The following DENND2A variants were observed in gnomAD, a reference collection of about 807,000 sequenced individuals.
DENND2A encodes DENN domain-containing protein 2A.
DENND2A carries 53 observed loss-of-function variants against 105.3 expected under a neutral mutation model. The ratio of observed to expected loss-of-function variants is 0.50; its 90% CI spans 0.40 to 0.63. The LOEUF (loss-of-function observed/expected upper bound fraction) is 0.63, where lower values mean the gene tolerates loss of function less well. DENND2A is among the 30% of genes least tolerant of loss of function. The pLI is 0.00. For missense variants in DENND2A, 1,138 were observed against 1,279.6 expected (o/e 0.89, Z 1.69); for synonymous variants, 522 against 508.4 (o/e 1.03, Z -0.36).
chr7:140,599,069 G>C (rs527873567), intron 3 of DENND2A, among the ~76,000 whole-genome samples: 116 of 152,218 alleles, frequency 7.6e-4, no homozygotes, highest in Middle Eastern at 3.4e-3. Flanking sequence ...TGGGTGTGGG[G>C]CTCATGCCTG....
Position 140,624,849 on chromosome 7 carries a change from GTTTT to G in DENND2A, c.-248+15651_-248+15654del, listed in dbSNP as rs1371102840. Among the ~76,000 whole-genome samples, 237 of 131,218 alleles carry G rather than the reference GTTTT, an allele frequency of 1.8e-3. 1 individual carries two copies. The highest frequency in any genetic ancestry group is 7.1e-3 in the African/African-American group (226 of 31,638). The allele number at this position is 131,218 out of a possible 152,430, so 86.1% of individuals were successfully genotyped here. ...CTGTTGAGAGATTTTGTTTTTCTTT[GTTTT>G]TTTTGTTTTTTTTTGTTTTTTTTTT... is the stretch of plus-strand genomic sequence containing the variant. On this transcript the variant is annotated intron_variant, in intron 1 of 19. Coordinates refer to ENST00000496613, the MANE Select transcript of DENND2A (RefSeq NM_015689.5).
chr7:140,568,880 T>C (rs892844771), intron 7 of DENND2A, 67 bp from the exon 8 acceptor site: 8 of 1,496,330 alleles, frequency 5.3e-6, no homozygotes, highest in South Asian at 1.1e-5. Context: ...ACTCTTTCTA[T>C]GTGGTAGCAC....
intron 1 of DENND2A, among the ~76,000 whole-genome samples, chr7:140,627,002 TA>T (rs1293598358): frequency 6.6e-6 from 1 of 152,320 alleles, no homozygotes; most frequent in African/African-American, 2.4e-5. Context: ...CTCGCCTCTG[TA>T]AAATGGTGAT....
chr7:140,533,199 G>T (rs1467231854), intron 14 of DENND2A, among the ~76,000 whole-genome samples: 1 of 152,044 alleles, frequency 6.6e-6, no homozygotes, highest in Non-Finnish European at 1.5e-5. Context: ...CACCATGTTG[G>T]CCAGGATGGT....
At chr7:140,615,063 C>T (rs1800033592) in intron 1 of DENND2A, among the ~76,000 whole-genome samples, 1 of 151,968 alleles carries the variant, frequency 6.6e-6, no homozygotes, top group African/African-American at 2.4e-5. Flanking sequence ...GACAGTGTTT[C>T]ACCATGTTGC....
At chr7:140,551,511 C>T (rs865832715) in intron 12 of DENND2A, among the ~76,000 whole-genome samples, 3 of 152,128 alleles carry the variant, frequency 2.0e-5, no homozygotes, top group Middle Eastern at 3.4e-3. Flanking sequence ...GCATGGGAGA[C>T]ATGTGGACCA....
At chr7:140,546,771 G>C (rs1233655117) in intron 13 of DENND2A, 28 bp downstream of exon 13, 1 of 1,611,654 alleles carries the variant, frequency 6.2e-7, no homozygotes, top group East Asian at 2.2e-5. Context: ...TGCCTCCCCA[G>C]GGAGAAGGAA....
intron 1 of DENND2A, among the ~76,000 whole-genome samples, chr7:140,632,070 T>G (rs1800753589): frequency 6.6e-6 from 1 of 152,150 alleles, no homozygotes; most frequent in African/African-American, 2.4e-5. Flanking sequence ...GAATTGTGAT[T>G]TGCTGTGTGA....
Position 140,527,288 on chromosome 7 carries a change from G to A in DENND2A, c.2505+30C>T, listed in dbSNP as rs1158187479. On this transcript the variant is annotated intron_variant, in intron 15 of 19. Transcript: ENST00000496613. This position sits in a 1 kb window ranked among gnomAD's most constrained non-coding sequence, Gnocchi z 4.9. ...CCGCTCTGTTCTCCGCACCCTGCAG[G>A]GAGGGGGACAGGGCTGAGTGGGAGC... is the stretch of plus-strand genomic sequence containing the variant. 7 of 1,545,322 alleles carry A rather than the reference G, an allele frequency of 4.5e-6. No individual in the cohort carries two copies. In the African/African-American group the frequency reaches 8.2e-5, roughly 18 times the overall value.
At chr7:140,614,567 G>T (rs1563179370) in intron 1 of DENND2A, among the ~76,000 whole-genome samples, 1 of 152,150 alleles carries the variant, frequency 6.6e-6, no homozygotes, top group Non-Finnish European at 1.5e-5. Flanking sequence ...TAGTTTTTGT[G>T]TTGCAAATAA....
In DENND2A at chr7:140,527,297, C is replaced by T. The variant is rs1323958862; in HGVS notation, c.2505+21G>A. 3.2e-6 allele frequency: 5 copies of T among 1,557,816 alleles called. No homozygotes were observed. On this transcript the variant is annotated intron_variant, in intron 15 of 19. Transcript: ENST00000496613. This position sits in a 1 kb window ranked among gnomAD's most constrained non-coding sequence, Gnocchi z 4.9. ...TCTCCGCACCCTGCAGGGAGGGGGA[C>T]AGGGCTGAGTGGGAGCTCACCTCTT...
intron 1 of DENND2A, among the ~76,000 whole-genome samples, chr7:140,613,916 C>A (rs554025337): frequency 2.7e-4 from 41 of 152,120 alleles, no homozygotes; most frequent in Non-Finnish European, 4.6e-4. Flanking sequence ...CCTTCTTTTC[C>A]CATGGAAAAT....
chr7:140,614,524 A>C (rs926123058), intron 1 of DENND2A, among the ~76,000 whole-genome samples: 12 of 152,246 alleles, frequency 7.9e-5, no homozygotes, highest in Non-Finnish European at 1.6e-4. Flanking sequence ...CAGGATTGTA[A>C]ATGATTACAT....
At chr7:140,547,656 CA>C (rs1332989087) in intron 12 of DENND2A, among the ~76,000 whole-genome samples, 1 of 152,140 alleles carries the variant, frequency 6.6e-6, no homozygotes, top group Non-Finnish European at 1.5e-5. Context: ...GAAGTGAAAA[CA>C]TATATGTTCA....
At chr7:140,561,669 A>ATTTTTTTT (rs1242616480) in intron 9 of DENND2A, among the ~76,000 whole-genome samples, 1 of 94,414 alleles carries the variant, frequency 1.1e-5, no homozygotes, top group African/African-American at 3.3e-5. Context: ...ACACCTAGCT[A>ATTTTTTTT]TTTTTTTTTT....
At chr7:140,533,341 T>A (rs1796335296) in intron 14 of DENND2A, among the ~76,000 whole-genome samples, 1 of 152,144 alleles carries the variant, frequency 6.6e-6, no homozygotes, top group African/African-American at 2.4e-5. Flanking sequence ...AAGGAGGAAG[T>A]ACAAGGGGCT....
chr7:140,555,914 A>C (rs749475575), intron 11 of DENND2A, among the ~76,000 whole-genome samples: 8 of 152,210 alleles, frequency 5.3e-5, no homozygotes, highest in Non-Finnish European at 1.5e-5. Flanking sequence ...TATGTTTATT[A>C]TAATGATAAT....
intron 5 of DENND2A, among the ~76,000 whole-genome samples, chr7:140,574,520 G>A (rs1448147660): frequency 3.3e-5 from 5 of 151,854 alleles, no homozygotes; most frequent in South Asian, 4.2e-4. Flanking sequence ...CACCTGGCCC[G>A]GTTTCTCTTT....
intron 12 of DENND2A, among the ~76,000 whole-genome samples, chr7:140,553,916 G>A (rs976826132): frequency 6.6e-6 from 1 of 152,186 alleles, no homozygotes; most frequent in South Asian, 2.1e-4. Context: ...CACAGTAACA[G>A]TCTGATCTCT....
Sources: gnomAD v4.1 joint callset for allele counts (sites outside exome capture counted in the v4.1 genomes callset) on GRCh38, gnomAD v4.1.1 for gene constraint, Gnocchi (gnomAD v3.1) non-coding constraint, MANE v1.5 for transcripts, NCBI Gene and HGNC (gene_info 2026-07-23, HGNC 2026-07-21) for gene names.